SIPA1L3: variants seen among roughly 807,000 people sequenced by gnomAD.
SIPA1L3 encodes signal induced proliferation associated 1 like 3, also known as signal-induced proliferation-associated 1-like protein 3.
In SIPA1L3, 59 loss-of-function variants were observed where a neutral mutation model predicts 150.1. The ratio of observed to expected loss-of-function variants is 0.39; its 90% CI spans 0.32 to 0.49. The LOEUF is 0.49. Ranked by LOEUF, SIPA1L3 falls within the 20% of genes least tolerant of loss-of-function variation. SIPA1L3 has a pLI of 0.86. For missense variants in SIPA1L3, 2,211 were observed against 2,489.5 expected (o/e 0.89, Z 2.38); for synonymous variants, 1,070 against 1,077.6 (o/e 0.99, Z 0.14).
rs780580449 is a variant in SIPA1L3 at position 38,152,858 on chromosome 19, C to T, written c.3552C>T (p.His1184=). ...PSPERYTAAP[H]PLLSLDPHFS... ...CCTGCAGGTACACGGCTGCCCCACA[C>T]CCCCTGCTATCTCTTGATCCCCACT... The change falls in exon 13 of 22, where the codon CAC becomes CAT. Residue 1184 remains histidine, a synonymous_variant. Transcript: ENST00000222345. 1.2e-6 allele frequency: 2 copies of T among 1,612,636 alleles called. No homozygotes were observed. The highest frequency in any genetic ancestry group is 2.2e-5 in the East Asian group (1 of 44,854).
chr19:38,073,646 A>C (rs1969771726), intron 2 of SIPA1L3, among the ~76,000 whole-genome samples: 4 of 152,246 alleles, frequency 2.6e-5, no homozygotes, highest in Admixed American at 2.0e-4. Context: ...GAGGATGTAC[A>C]GAATGAACAC....
At chr19:38,056,938 A>G (rs932403775) in intron 2 of SIPA1L3, among the ~76,000 whole-genome samples, 4 of 152,056 alleles carry the variant, frequency 2.6e-5, no homozygotes, top group Non-Finnish European at 5.9e-5. Context: ...ACACACCTGT[A>G]TTCTCAGCTA....
chr19:38,152,799 C>T, intron 12 of SIPA1L3, 41 bp from the exon 13 acceptor site: 1 of 1,576,696 alleles, frequency 6.3e-7, no homozygotes, highest in Non-Finnish European at 8.6e-7. Context: ...TCGACATAGG[C>T]TGATCTTTAA....
intron 1 of SIPA1L3, among the ~76,000 whole-genome samples, chr19:38,002,957 A>C (rs1967844120): frequency 6.6e-6 from 1 of 151,806 alleles, no homozygotes; most frequent in Non-Finnish European, 1.5e-5. Context: ...CAGCCTGGCC[A>C]ATGTGGTGAA....
rs747738625 is a variant in SIPA1L3, at chr19:38,193,806, C to T, written c.4840+26C>T. The T allele has an allele frequency of 1.1e-5, 17 of 1,528,714 alleles. No individual in the cohort carries two copies. The East Asian group carries it at 1.2e-4, about 11-fold the overall frequency. 94.7% of individuals were successfully genotyped at this position (1,528,714 alleles called of 1,614,324 possible). ...GTGAGCCTGGGCCCCCTGGGACTGG[C>T]GCGGTAGTTACCCCAAGGTTGGGAG... On this transcript the variant is annotated intron_variant, in intron 18 of 21. Coordinates refer to ENST00000222345, the MANE Select transcript of SIPA1L3 (RefSeq NM_015073.3).
chr19:37,973,623 G>A (rs901642916), intron 1 of SIPA1L3, among the ~76,000 whole-genome samples: 6 of 142,220 alleles, frequency 4.2e-5, no homozygotes, highest in African/African-American at 8.1e-5. Flanking sequence ...CTCGCATGAC[G>A]AAGAACTGAG....
chr19:38,172,000 G>A (rs1972339408), intron 15 of SIPA1L3, among the ~76,000 whole-genome samples: 2 of 152,166 alleles, frequency 1.3e-5, no homozygotes, highest in Admixed American at 1.3e-4. Context: ...TATGGAGTTT[G>A]GATCTCATCT....
chr19:38,175,159 GGT>G (rs1972409937), intron 15 of SIPA1L3, among the ~76,000 whole-genome samples: 1 of 152,000 alleles, frequency 6.6e-6, no homozygotes, highest in Non-Finnish European at 1.5e-5. Flanking sequence ...TGGAGGTGGT[GGT>G]AGTTCCTGTC....
chr19:38,008,958 CA>C (rs1968033143), intron 1 of SIPA1L3, among the ~76,000 whole-genome samples: 1 of 152,144 alleles, frequency 6.6e-6, no homozygotes, highest in Non-Finnish European at 1.5e-5. Flanking sequence ...GCCTGCACCA[CA>C]AAATTTCTCC....
rs752014597 is a variant in SIPA1L3 at position 38,046,763 on chromosome 19, G to C, written c.-311+17607G>C. On this transcript the variant is annotated intron_variant, in intron 2 of 21. Coordinates refer to ENST00000222345, the MANE Select transcript of SIPA1L3 (RefSeq NM_015073.3). The surrounding 1 kb of genome is among the most constrained non-coding windows in gnomAD (Gnocchi z 5.6). ...CATCTCCTGTGCCCGAGTGGCGTCTGTCAGTTGCTCAGTAAGTGGAGGGCT... is the reference window on the plus strand; with the variant it reads ...CATCTCCTGTGCCCGAGTGGCGTCTCTCAGTTGCTCAGTAAGTGGAGGGCT... 6.6e-6 allele frequency among the ~76,000 whole-genome samples: 1 copy of C among 152,224 alleles called. No individual in the cohort carries two copies. Among genetic ancestry groups the C allele is most frequent in the Admixed American group, 6.5e-5 (1 of 15,280 alleles).
At chr19:38,154,904 G>A (rs768339114) in intron 13 of SIPA1L3, among the ~76,000 whole-genome samples, 5 of 151,896 alleles carry the variant, frequency 3.3e-5, no homozygotes, top group Non-Finnish European at 7.4e-5. Context: ...TGGGACCATA[G>A]GCATGAGCCA....
At chr19:38,141,057 CAAAAAAAAA>C (rs551813100) in intron 10 of SIPA1L3, 118 bp from the exon 11 acceptor site, 64 of 396,388 alleles carry the variant, frequency 1.6e-4, no homozygotes, top group African/African-American at 1.3e-3. Flanking sequence ...GACTCTGTCT[CAAAAAAAAA>C]AAAAAAAAAA....
intron 13 of SIPA1L3, among the ~76,000 whole-genome samples, chr19:38,158,211 C>A (rs1971993801): frequency 6.6e-6 from 1 of 151,982 alleles, no homozygotes; most frequent in Non-Finnish European, 1.5e-5. Context: ...CCAGCCTGGG[C>A]AACAGAGCAG....
Position 38,088,867 on chromosome 19 carries a change from C to T in SIPA1L3, c.1665+16C>T. The T allele has an allele frequency of 6.2e-7, 1 of 1,611,730 alleles. No individual in the cohort carries two copies. Among genetic ancestry groups the T allele is most frequent in the Non-Finnish European group, 8.5e-7 (1 of 1,178,358 alleles). On this transcript the variant is annotated intron_variant, in intron 4 of 21. Coordinates refer to ENST00000222345, the MANE Select transcript of SIPA1L3 (RefSeq NM_015073.3). ...GACCCGCGAGGTAGGTCCCATCACTCTCGTTCTTATTAAAGAAATCATAGC... is the reference window on the plus strand; with the variant it reads ...GACCCGCGAGGTAGGTCCCATCACTTTCGTTCTTATTAAAGAAATCATAGC...
In SIPA1L3 at chr19:37,991,925, C is replaced by T. The variant is rs997329948; in HGVS notation, c.-378-37164C>T. 3.9e-5 allele frequency among the ~76,000 whole-genome samples: 6 copies of T among 152,340 alleles called. No individual in the cohort carries two copies. The East Asian group carries it at 9.6e-4, about 24-fold the overall frequency. ...CCTGCACTAGCTGCATGACCTGGGGCAGGTACTTCACCTCCTTCCTCAGGC... is the reference window on the plus strand; with the variant it reads ...CCTGCACTAGCTGCATGACCTGGGGTAGGTACTTCACCTCCTTCCTCAGGC... On this transcript the variant is annotated intron_variant, in intron 1 of 21. Transcript: ENST00000222345.
At chr19:38,143,216 C>T (rs961588197) in intron 12 of SIPA1L3, among the ~76,000 whole-genome samples, 3 of 152,140 alleles carry the variant, frequency 2.0e-5, no homozygotes, top group African/African-American at 7.2e-5. Flanking sequence ...CATTCAAGGC[C>T]CTTCAGGCTC....
At chr19:38,170,080 C>A (rs1329940626) in intron 15 of SIPA1L3, among the ~76,000 whole-genome samples, 1 of 151,992 alleles carries the variant, frequency 6.6e-6, no homozygotes, top group Non-Finnish European at 1.5e-5. Flanking sequence ...GATGTGAGAG[C>A]CCAAAGGGGG....
At chr19:37,929,619 G>T (rs1381395637) in intron 1 of SIPA1L3, among the ~76,000 whole-genome samples, 1 of 152,050 alleles carries the variant, frequency 6.6e-6, no homozygotes, top group Non-Finnish European at 1.5e-5. Flanking sequence ...CACTCACTCT[G>T]CCCAGAAACA....
intron 12 of SIPA1L3, among the ~76,000 whole-genome samples, chr19:38,144,147 G>A (rs989966490): frequency 2.0e-5 from 3 of 152,222 alleles, no homozygotes; most frequent in African/African-American, 7.2e-5. Context: ...CCCTCTTGAG[G>A]CAAGGCACTG....
Sources: allele counts gnomAD v4.1 joint callset (sites outside exome capture counted in the v4.1 genomes callset), GRCh38; gene constraint gnomAD v4.1.1; non-coding constraint Gnocchi (gnomAD v3.1); transcripts MANE v1.5; gene names NCBI Gene and HGNC (gene_info 2026-07-23, HGNC 2026-07-21).